Variants in CYFIP2 observed in about 807,000 individuals in gnomAD.
The protein encoded by CYFIP2 is cytoplasmic FMR1 interacting protein 2.
Under a neutral mutation model 158.7 loss-of-function variants are expected in CYFIP2, and 29 were observed. The observed-to-expected ratio is 0.18, with a 90% CI of 0.14 to 0.25. The LOEUF (loss-of-function observed/expected upper bound fraction) is 0.25, where lower values mean the gene tolerates loss of function less well. Among genes scored for constraint, CYFIP2 ranks in the 10% least tolerant of loss-of-function variants. The pLI is 1.00. For synonymous variants in CYFIP2, 585 were observed against 617.6 expected (o/e 0.95, Z 0.78); for missense variants, 852 against 1,639.5 (o/e 0.52, Z 8.29).
intron 15 of CYFIP2, chr5:157,322,817 G>A (rs536516209): frequency 7.1e-5 from 70 of 990,524 alleles, no homozygotes; most frequent in South Asian, 2.1e-4. Context: ...CGGCAGTCGC[G>A]GCGGCTTTCC....
At chr5:157,340,754 A>T (rs1413570782) in intron 22 of CYFIP2, among the ~76,000 whole-genome samples, 1 of 152,194 alleles carries the variant, frequency 6.6e-6, no homozygotes, top group African/African-American at 2.4e-5. Flanking sequence ...TTGAGAAACC[A>T]AACTGGAGGT....
chr5:157,307,930 G>A, intron 9 of CYFIP2, 65 bp downstream of exon 9: 2 of 886,156 alleles, frequency 2.3e-6, no homozygotes, highest in Non-Finnish European at 3.6e-6. Flanking sequence ...GTCTTTGGGG[G>A]AAAGGGATGA....
chr5:157,346,609 G>A (rs913910023), intron 23 of CYFIP2, among the ~76,000 whole-genome samples: 5 of 152,166 alleles, frequency 3.3e-5, no homozygotes, highest in African/African-American at 7.2e-5. Context: ...ATGGTTCTGC[G>A]AGAGCCTTGA....
chr5:157,313,455 A>G (rs1238912186), intron 11 of CYFIP2, among the ~76,000 whole-genome samples: 13 of 152,230 alleles, frequency 8.5e-5, no homozygotes, highest in Admixed American at 3.9e-4. Context: ...TTTAAATTGA[A>G]CAATTAGAGT....
chr5:157,330,291 T>G (rs1561734224), intron 19 of CYFIP2, among the ~76,000 whole-genome samples: 1 of 151,144 alleles, frequency 6.6e-6, no homozygotes, highest in Non-Finnish European at 1.5e-5. Context: ...TGTGTTTGTG[T>G]TTAAAGTGCC....
At chr5:157,348,376 G>A (rs1272672903) in intron 23 of CYFIP2, among the ~76,000 whole-genome samples, 1 of 152,042 alleles carries the variant, frequency 6.6e-6, no homozygotes, top group Non-Finnish European at 1.5e-5. Flanking sequence ...GCCCCCTCAA[G>A]TAGCTAGGAC....
intron 23 of CYFIP2, chr5:157,342,424 A>C (rs775639872): frequency 6.4e-6 from 1 of 155,586 alleles, no homozygotes; most frequent in South Asian, 2.0e-4. Flanking sequence ...AATAATCCCA[A>C]ATTATTTCCA....
intron 15 of CYFIP2, among the ~76,000 whole-genome samples, chr5:157,321,728 G>GT (rs1760609110): frequency 6.6e-6 from 1 of 152,084 alleles, no homozygotes; most frequent in African/African-American, 2.4e-5. Context: ...GTGTGCGTCT[G>GT]TGTCTGTGCT....
At chr5:157,298,554 C>G (rs1244199909) in intron 5 of CYFIP2, among the ~76,000 whole-genome samples, 2 of 150,918 alleles carry the variant, frequency 1.3e-5, no homozygotes, top group Admixed American at 6.6e-5. Flanking sequence ...TCATGTTGGC[C>G]AGGCTGGTCT....
intron 8 of CYFIP2, among the ~76,000 whole-genome samples, chr5:157,307,145 T>C (rs1481604651): frequency 6.6e-6 from 1 of 152,200 alleles, no homozygotes; most frequent in African/African-American, 2.4e-5. Context: ...GAAGAGATTT[T>C]TTTTAAAAAA....
Position 157,360,263 on chromosome 5 carries a change from T to G in CYFIP2, c.2818-19T>G. On this transcript the variant is annotated intron_variant, in intron 24 of 30. Transcript: ENST00000620254. ...TAGCCCAGAATTCAGCCCACTCATC[T>G]GTACTCTTCTTTTGTCAGCTCCAAG... 2 of 1,608,376 alleles carry G rather than the reference T, an allele frequency of 1.2e-6. No individual in the cohort carries two copies. The highest frequency in any genetic ancestry group is 1.7e-6 in the Non-Finnish European group (2 of 1,175,718).
rs554647514 is a variant in CYFIP2 at position 157,284,529 on chromosome 5, G to A, written c.-23-810G>A. 3.9e-5 allele frequency among the ~76,000 whole-genome samples: 6 copies of A among 152,314 alleles called. No individual in the cohort carries two copies. In the South Asian group the frequency reaches 1.2e-3, roughly 32 times the overall value. On this transcript the variant is annotated intron_variant, in intron 1 of 30. Transcript: ENST00000620254. ...CTAAATCATGATTAGTTTTTAAGCA[G>A]TGTTTCACATATGTTTGGGGGGAAA...
intron 26 of CYFIP2, chr5:157,376,800 C>A: frequency 2.3e-6 from 1 of 437,876 alleles, no homozygotes; most frequent in Non-Finnish European, 4.6e-6. Context: ...AGCCTCCATC[C>A]CATGCTGACT....
chr5:157,362,244 A>G (rs554226736), intron 26 of CYFIP2, among the ~76,000 whole-genome samples: 7 of 152,274 alleles, frequency 4.6e-5, no homozygotes, highest in African/African-American at 1.7e-4. Flanking sequence ...CCTCCTAAGA[A>G]TAAGTTTAGA....
At chr5:157,353,980 T>C (rs537918320) in intron 23 of CYFIP2, among the ~76,000 whole-genome samples, 87 of 152,320 alleles carry the variant, frequency 5.7e-4, no homozygotes, top group African/African-American at 1.9e-3. Context: ...AAAGTCTGTA[T>C]ACAACATTTA....
intron 23 of CYFIP2, among the ~76,000 whole-genome samples, chr5:157,356,815 C>A (rs1486843933): frequency 6.6e-6 from 1 of 152,178 alleles, no homozygotes; most frequent in Non-Finnish European, 1.5e-5. Flanking sequence ...GACAGGGTGG[C>A]CTGTGACAGA....
In CYFIP2 at chr5:157,296,783, G is replaced by C. The variant is rs780124025; in HGVS notation, c.387+9G>C. On this transcript the variant is annotated intron_variant, in intron 5 of 30. Coordinates refer to ENST00000620254, the MANE Select transcript of CYFIP2 (RefSeq NM_001037333.3). Reference sequence around the variant, plus strand: ...AGTTCATGTATTTTCAGGTGAGTGGGGAGGGGCAGGTCTGCATCTGGAGAA... The same window carrying C: ...AGTTCATGTATTTTCAGGTGAGTGGCGAGGGGCAGGTCTGCATCTGGAGAA... 13 of 1,609,420 alleles carry C rather than the reference G, an allele frequency of 8.1e-6. No individual in the cohort carries two copies. Among genetic ancestry groups the C allele is most frequent in the Non-Finnish European group, 1.1e-5 (13 of 1,176,298 alleles).
intron 18 of CYFIP2, among the ~76,000 whole-genome samples, chr5:157,326,671 T>C (rs1761044278): frequency 6.6e-6 from 1 of 152,190 alleles, no homozygotes; most frequent in African/African-American, 2.4e-5. Flanking sequence ...GGAAGAGGCT[T>C]GAGCCGCCTG....
At chr5:157,337,436 A>T (rs1581090803) in intron 21 of CYFIP2, among the ~76,000 whole-genome samples, 1 of 152,340 alleles carries the variant, frequency 6.6e-6, no homozygotes, top group African/African-American at 2.4e-5. Flanking sequence ...AATTTGCCAT[A>T]GATGGACCCA....
Sources: gnomAD v4.1 joint callset for allele counts (sites outside exome capture counted in the v4.1 genomes callset) on GRCh38, gnomAD v4.1.1 for gene constraint, MANE v1.5 for transcripts, NCBI Gene and HGNC (gene_info 2026-07-23, HGNC 2026-07-21) for gene names.